SLC25A26: variants seen among roughly 807,000 people sequenced by gnomAD.
SLC25A26 encodes mitochondrial S-adenosylmethionine carrier protein.
SLC25A26 carries 36 observed loss-of-function variants against 37.8 expected under a neutral mutation model. That is an observed-to-expected ratio of 0.95 (90% CI 0.73 to 1.26). The LOEUF is 1.26. Among genes scored for constraint, SLC25A26 ranks in the 50% most tolerant of loss-of-function variants. The probability of loss-of-function intolerance (pLI) is 0.00; values close to 1 mark genes in which losing one functional copy is unlikely to be tolerated. For missense variants in SLC25A26, 390 were observed against 331.1 expected (o/e 1.18, Z -1.38); for synonymous variants, 129 against 122.5 (o/e 1.05, Z -0.35).
intron 9 of SLC25A26, among the ~76,000 whole-genome samples, chr3:66,371,741 A>C (rs571946320): frequency 6.6e-6 from 1 of 152,108 alleles, no homozygotes; most frequent in South Asian, 2.1e-4. Flanking sequence ...CCAGTTCCAC[A>C]GCAAACAAAG....
intron 3 of SLC25A26, among the ~76,000 whole-genome samples, chr3:66,254,214 A>G (rs1385793627): frequency 6.6e-6 from 1 of 152,218 alleles, no homozygotes; most frequent in East Asian, 1.9e-4. Flanking sequence ...CCATTTATCA[A>G]CAGAAGATGG....
Position 66,377,709 on chromosome 3 carries a change from C to A in SLC25A26, c.727C>A (p.Pro243Thr), listed in dbSNP as rs1441829325. 1 of 1,613,504 alleles carries A rather than the reference C, an allele frequency of 6.2e-7. No individual in the cohort carries two copies. The highest frequency in any genetic ancestry group is 8.5e-7 in the Non-Finnish European group (1 of 1,179,736). ...GLAGLFAGVF[P>T]RMAAISLGGF... ...CCCTAGATTATTTGCAGGTGTCTTC[C>A]CTCGAATGGCAGCCATCAGTCTGGG... is the stretch of plus-strand genomic sequence containing the variant. The change falls in exon 10 of 10, where the codon CCT becomes ACT. Residue 243 changes from proline to threonine, a missense_variant. Physicochemically the swap from Pro to Thr is conservative, Grantham distance 38. Transcript: ENST00000354883.
intron 1 of SLC25A26, among the ~76,000 whole-genome samples, chr3:66,225,806 A>G (rs781793204): frequency 2.0e-5 from 3 of 152,204 alleles, no homozygotes; most frequent in Non-Finnish European, 4.4e-5. Context: ...TCTCTAGGGC[A>G]GGGGCAAAAT....
chr3:66,158,222 T>G (rs956914102), intron 1 of SLC25A26, among the ~76,000 whole-genome samples: 2 of 152,254 alleles, frequency 1.3e-5, no homozygotes, highest in African/African-American at 4.8e-5. Context: ...ATATGTGGCC[T>G]TTATGCCTGG....
chr3:66,258,900 G>C (rs933572642), intron 3 of SLC25A26, among the ~76,000 whole-genome samples: 9 of 146,130 alleles, frequency 6.2e-5, no homozygotes, highest in Non-Finnish European at 1.2e-4. Flanking sequence ...TTTATACCAA[G>C]TTTTCAAAAT....
At chr3:66,342,352 TC>T in intron 5 of SLC25A26, among the ~76,000 whole-genome samples, 1 of 152,332 alleles carries the variant, frequency 6.6e-6, no homozygotes, top group Admixed American at 6.5e-5. Flanking sequence ...GCTTCCTAGA[TC>T]ACCCGTGGTG....
At chr3:66,149,320 A>G (rs561431455) in intron 1 of SLC25A26, among the ~76,000 whole-genome samples, 3 of 152,334 alleles carry the variant, frequency 2.0e-5, no homozygotes, top group African/African-American at 7.2e-5. Context: ...TATTGCCAGC[A>G]TGGAGGGAAA....
intron 5 of SLC25A26, among the ~76,000 whole-genome samples, chr3:66,269,345 C>T (rs75934158): frequency 0.024 from 3,635 of 152,282 alleles, 59 homozygotes; most frequent in Middle Eastern, 0.048. Context: ...ACAACTGTTA[C>T]TGCTTGTAAA....
chr3:66,199,101 A>G (rs1208270266), intron 1 of SLC25A26, among the ~76,000 whole-genome samples: 2 of 150,502 alleles, frequency 1.3e-5, no homozygotes, highest in Non-Finnish European at 3.0e-5. Flanking sequence ...CTCAAACCTG[A>G]TGTCACCCTG....
chr3:66,175,311 A>G (rs1422788783), intron 1 of SLC25A26, among the ~76,000 whole-genome samples: 1 of 151,706 alleles, frequency 6.6e-6, no homozygotes, highest in Non-Finnish European at 1.5e-5. Context: ...TGAAACCTCC[A>G]TCTCCCAGGT....
intron 5 of SLC25A26, among the ~76,000 whole-genome samples, chr3:66,293,505 G>GT (rs761582429): frequency 5.3e-3 from 753 of 141,694 alleles, no homozygotes; most frequent in Non-Finnish European, 6.0e-3. Context: ...GTGCCCATTA[G>GT]TTTTTTTTTT....
At chr3:66,172,410 G>GAAAGAAAAAAAAAAAAAA (rs2070513235) in intron 1 of SLC25A26, among the ~76,000 whole-genome samples, 1 of 75,180 alleles carries the variant, frequency 1.3e-5, no homozygotes, top group Admixed American at 1.9e-4. Flanking sequence ...TACCTGTAAA[G>GAAAGAAAAAAAAAAAAAA]AAAAAAAAAA....
At chr3:66,197,219 A>G (rs2071056173) in intron 1 of SLC25A26, among the ~76,000 whole-genome samples, 1 of 152,140 alleles carries the variant, frequency 6.6e-6, no homozygotes. Context: ...AGATATATAT[A>G]TATACATTGT....
chr3:66,301,463 C>G (rs996841870), intron 5 of SLC25A26, among the ~76,000 whole-genome samples: 1 of 152,176 alleles, frequency 6.6e-6, no homozygotes, highest in Non-Finnish European at 1.5e-5. Context: ...TTTTGACTTC[C>G]ATGCCGGAGA....
intron 7 of SLC25A26, among the ~76,000 whole-genome samples, chr3:66,365,650 G>C (rs771950381): frequency 5.3e-5 from 8 of 152,166 alleles, no homozygotes; most frequent in South Asian, 2.1e-4. Flanking sequence ...CATTGATTGC[G>C]ATCTCTCCAT....
chr3:66,318,428 C>G (rs565972810), intron 5 of SLC25A26, among the ~76,000 whole-genome samples: 1 of 152,064 alleles, frequency 6.6e-6, no homozygotes, highest in Non-Finnish European at 1.5e-5. Context: ...AGCCCCCTTT[C>G]CCCCTGCCGC....
chr3:66,186,041 A>T (rs1163434591), intron 1 of SLC25A26, among the ~76,000 whole-genome samples: 1 of 151,676 alleles, frequency 6.6e-6, no homozygotes, highest in East Asian at 1.9e-4. Context: ...CCTGACACGC[A>T]TCCTGACACC....
At chr3:66,242,040 C>T (rs995865589) in intron 2 of SLC25A26, among the ~76,000 whole-genome samples, 2 of 151,988 alleles carry the variant, frequency 1.3e-5, no homozygotes, top group Non-Finnish European at 2.9e-5. Flanking sequence ...TAGTAGAGGC[C>T]TTCTTGGATG....
intron 7 of SLC25A26, among the ~76,000 whole-genome samples, chr3:66,368,046 AAGTC>A (rs1163958165): frequency 6.6e-6 from 1 of 152,216 alleles, no homozygotes; most frequent in African/African-American, 2.4e-5. Context: ...ACCTTTCAAA[AAGTC>A]AGTGTCATAA....
Sources: allele counts gnomAD v4.1 joint callset (sites outside exome capture counted in the v4.1 genomes callset), GRCh38; gene constraint gnomAD v4.1.1; transcripts MANE v1.5; gene names NCBI Gene and HGNC (gene_info 2026-07-23, HGNC 2026-07-21).